TMEM170B: variants seen among roughly 807,000 people sequenced by gnomAD.
The protein encoded by TMEM170B is transmembrane protein 170B.
Under a neutral mutation model 13.0 loss-of-function variants are expected in TMEM170B, and 6 were observed. The ratio of observed to expected loss-of-function variants is 0.46; its 90% CI spans 0.25 to 0.91. The LOEUF is 0.91. Among genes scored for constraint, TMEM170B ranks in the 40% least tolerant of loss-of-function variants. The pLI, the probability that TMEM170B is intolerant of heterozygous loss-of-function variation, is 0.17. For synonymous variants in TMEM170B, 61 were observed against 64.9 expected (o/e 0.94, Z 0.29); for missense variants, 138 against 165.2 (o/e 0.84, Z 0.90).
chr6:11,545,872 C>T (rs1036972745), intron 1 of TMEM170B, among the ~76,000 whole-genome samples: 7 of 151,030 alleles, frequency 4.6e-5, no homozygotes, highest in Non-Finnish European at 8.8e-5. Flanking sequence ...ATTAGCCGGG[C>T]GTGGTGGCGG....
intron 1 of TMEM170B, among the ~76,000 whole-genome samples, chr6:11,549,359 C>T (rs896148564): frequency 6.6e-6 from 1 of 151,958 alleles, no homozygotes; most frequent in Non-Finnish European, 1.5e-5. Flanking sequence ...GTGGCAGTAC[C>T]AACACATTTA....
chr6:11,570,965 A>G (rs1759790911), intron 2 of TMEM170B, among the ~76,000 whole-genome samples: 1 of 152,192 alleles, frequency 6.6e-6, no homozygotes, highest in South Asian at 2.1e-4. Context: ...AAAAATGTGA[A>G]AACTATTCTT....
rs983893566 is a variant in TMEM170B at position 11,576,596 on chromosome 6, C to G, written c.*1035C>G. ...TTTTTAGAGACTGGCCTAAATTAGG[C>G]TCTGGAAATAAAGACCTCATTTGTA... On this transcript the variant is annotated 3_prime_UTR_variant, in exon 3 of 3. Transcript: ENST00000379426. 6.6e-6 allele frequency: 1 copy of G among 151,900 alleles called. No individual in the cohort carries two copies. Among genetic ancestry groups the G allele is most frequent in the East Asian group, 1.9e-4 (1 of 5,196 alleles). 9.4% of individuals were successfully genotyped at this position (151,900 alleles called of 1,614,324 possible). A position where few individuals can be genotyped will look rare whatever the true frequency, so the allele number is the denominator to read the frequency against.
At chr6:11,549,807 C>T (rs1049011815) in intron 1 of TMEM170B, among the ~76,000 whole-genome samples, 1 of 151,956 alleles carries the variant, frequency 6.6e-6, no homozygotes, top group Admixed American at 6.6e-5. Context: ...TTACTGGAGT[C>T]CAGTTGCTTG....
chr6:11,574,247 A>G (rs527568855), intron 2 of TMEM170B, among the ~76,000 whole-genome samples: 2 of 152,292 alleles, frequency 1.3e-5, no homozygotes, highest in South Asian at 2.1e-4. Flanking sequence ...AATACATAGT[A>G]TATGGTAAGT....
chr6:11,560,582 T>TA (rs11404962), intron 1 of TMEM170B, among the ~76,000 whole-genome samples: 81,872 of 135,542 alleles, frequency 0.6, 24,958 homozygotes, highest in African/African-American at 0.67. Flanking sequence ...TGCTATCTCT[T>TA]AAAAAAAAAA....
intron 2 of TMEM170B, among the ~76,000 whole-genome samples, chr6:11,568,763 G>A (rs1350694727): frequency 6.6e-6 from 1 of 152,122 alleles, no homozygotes; most frequent in Non-Finnish European, 1.5e-5. Context: ...CTTAATACAA[G>A]TTGTGAATAC....
intron 1 of TMEM170B, among the ~76,000 whole-genome samples, chr6:11,547,952 G>C (rs912820996): frequency 6.6e-6 from 1 of 152,132 alleles, no homozygotes; most frequent in Non-Finnish European, 1.5e-5. Flanking sequence ...TCATGAAGAG[G>C]AGTCACAATT....
intron 1 of TMEM170B, among the ~76,000 whole-genome samples, chr6:11,548,399 T>G (rs1311083421): frequency 2.0e-5 from 3 of 152,152 alleles, no homozygotes; most frequent in Non-Finnish European, 4.4e-5. Flanking sequence ...CCAGTTAGAA[T>G]GGCGATCATT....
chr6:11,546,796 C>T (rs1214532380), intron 1 of TMEM170B, among the ~76,000 whole-genome samples: 1 of 152,148 alleles, frequency 6.6e-6, no homozygotes, highest in African/African-American at 2.4e-5. Flanking sequence ...TGTAGGTACA[C>T]TGTATAATAT....
intron 2 of TMEM170B, among the ~76,000 whole-genome samples, chr6:11,572,552 T>C (rs1221046792): frequency 6.6e-6 from 1 of 152,170 alleles, no homozygotes; most frequent in African/African-American, 2.4e-5. Flanking sequence ...TCTTGGAATT[T>C]TAGGGGTGTT....
At chr6:11,568,386 G>T (rs547806806) in intron 2 of TMEM170B, among the ~76,000 whole-genome samples, 1 of 152,160 alleles carries the variant, frequency 6.6e-6, no homozygotes. Flanking sequence ...AACAGAGGGG[G>T]AAGGAAGAAG....
intron 1 of TMEM170B, among the ~76,000 whole-genome samples, chr6:11,547,798 A>T (rs1035627578): frequency 6.6e-6 from 1 of 152,194 alleles, no homozygotes; most frequent in Non-Finnish European, 1.5e-5. Flanking sequence ...GGTCCAGATG[A>T]CATTTCTTCG....
chr6:11,549,842 T>C (rs1759500454), intron 1 of TMEM170B, among the ~76,000 whole-genome samples: 1 of 152,100 alleles, frequency 6.6e-6, no homozygotes, highest in African/African-American at 2.4e-5. Flanking sequence ...TGGAATATAA[T>C]CTAAGAGCAT....
chr6:11,555,424 TTTATC>T (rs1167554845), intron 1 of TMEM170B, among the ~76,000 whole-genome samples: 1 of 152,116 alleles, frequency 6.6e-6, no homozygotes, highest in Non-Finnish European at 1.5e-5. Context: ...GTGGGAGGTA[TTTATC>T]TTAGGATTCT....
At chr6:11,548,750 A>T (rs972914330) in intron 1 of TMEM170B, among the ~76,000 whole-genome samples, 30 of 152,346 alleles carry the variant, frequency 2.0e-4, no homozygotes, top group Middle Eastern at 3.4e-3. Flanking sequence ...GCCATAAAAA[A>T]GGATGAGTTC....
chr6:11,542,074 AAGTG>A (rs1759368966), intron 1 of TMEM170B, among the ~76,000 whole-genome samples: 2 of 152,214 alleles, frequency 1.3e-5, no homozygotes, highest in African/African-American at 4.8e-5. Flanking sequence ...ATGTGACACA[AAGTG>A]AGCCCATGCT....
intron 1 of TMEM170B, among the ~76,000 whole-genome samples, chr6:11,542,092 G>A (rs531239183): frequency 2.1e-4 from 32 of 152,262 alleles, no homozygotes; most frequent in Non-Finnish European, 4.6e-4. Context: ...CCATGCTGTT[G>A]GAAAAATGGT....
intron 2 of TMEM170B, among the ~76,000 whole-genome samples, chr6:11,571,038 C>T (rs370554246): frequency 3.3e-5 from 5 of 152,074 alleles, no homozygotes; most frequent in Admixed American, 1.3e-4. Flanking sequence ...TTGCCAACCT[C>T]GATCTAACTA....
Sources: gnomAD v4.1 joint callset for allele counts (sites outside exome capture counted in the v4.1 genomes callset) on GRCh38, gnomAD v4.1.1 for gene constraint, MANE v1.5 for transcripts, NCBI Gene and HGNC (gene_info 2026-07-23, HGNC 2026-07-21) for gene names.